CLNK: variants seen among roughly 807,000 people sequenced by gnomAD.
The protein encoded by CLNK is cytokine dependent hematopoietic cell linker.
In CLNK, 74 loss-of-function variants were observed where a neutral mutation model predicts 68.6. The ratio of observed to expected loss-of-function variants is 1.08; its 90% CI spans 0.89 to 1.31. The LOEUF is 1.31. Ranked by LOEUF, CLNK falls within the 50% of genes most tolerant of loss-of-function variation. The pLI, the probability that CLNK is intolerant of heterozygous loss-of-function variation, is 0.00. For missense variants in CLNK, 553 were observed against 515.3 expected, an observed-to-expected ratio of 1.07 and a Z score of -0.71; for synonymous variants, 198 against 172.2, an observed-to-expected ratio of 1.15 and a Z score of -1.17.
At chr4:10,567,186 T>TTAC (rs1233010237) in intron 5 of CLNK, among the ~76,000 whole-genome samples, 1 of 149,494 alleles carries the variant, frequency 6.7e-6, no homozygotes, top group African/African-American at 2.5e-5. Flanking sequence ...ATTTCAAAAG[T>TTAC]TACTACATAG....
At chr4:10,611,592 G>GC (rs1429921611) in intron 2 of CLNK, among the ~76,000 whole-genome samples, 1 of 151,842 alleles carries the variant, frequency 6.6e-6, no homozygotes, top group African/African-American at 2.4e-5. Flanking sequence ...TAGAGAAGGA[G>GC]CCCCCCAGGA....
At chr4:10,546,614 A>C (rs992010561) in intron 8 of CLNK, among the ~76,000 whole-genome samples, 1 of 152,168 alleles carries the variant, frequency 6.6e-6, no homozygotes, top group Non-Finnish European at 1.5e-5. Context: ...TTTCGCCAGA[A>C]TTTAAACATT....
At chr4:10,502,200 T>C in intron 17 of CLNK, among the ~76,000 whole-genome samples, 1 of 152,024 alleles carries the variant, frequency 6.6e-6, no homozygotes, top group East Asian at 1.9e-4. Flanking sequence ...AGGAAAGAGG[T>C]TTAATTGACT....
chr4:10,547,440 T>G (rs1158640922), intron 8 of CLNK, among the ~76,000 whole-genome samples: 1 of 152,240 alleles, frequency 6.6e-6, no homozygotes, highest in East Asian at 1.9e-4. Context: ...CTTACCAAAG[T>G]TGACTCCTGC....
the CLNK span, among the ~76,000 whole-genome samples, chr4:10,695,536 C>G: frequency 2.0e-5 from 3 of 152,218 alleles, no homozygotes; most frequent in Non-Finnish European, 4.4e-5. Context: ...CAGTGGCCCT[C>G]TCTGTGCCTG....
intron 2 of CLNK, among the ~76,000 whole-genome samples, chr4:10,648,206 A>T (rs1425273607): frequency 6.6e-6 from 1 of 152,166 alleles, no homozygotes; most frequent in African/African-American, 2.4e-5. Context: ...AGTGATTAAG[A>T]CCTTTCCCAT....
chr4:10,624,607 T>G (rs1369599753), intron 2 of CLNK, among the ~76,000 whole-genome samples: 4 of 151,192 alleles, frequency 2.6e-5, no homozygotes, highest in Non-Finnish European at 1.5e-5. Context: ...TTTTTTTTTT[T>G]TTTTTTTTTT....
At chr4:10,549,144 A>G (rs1294256145) in intron 8 of CLNK, among the ~76,000 whole-genome samples, 1 of 152,176 alleles carries the variant, frequency 6.6e-6, no homozygotes, top group Non-Finnish European at 1.5e-5. Flanking sequence ...AGTTACAAAA[A>G]TCCACGGGGA....
chr4:10,668,636 T>C (rs1056877723), intron 1 of CLNK, among the ~76,000 whole-genome samples: 2 of 152,126 alleles, frequency 1.3e-5, no homozygotes, highest in African/African-American at 4.8e-5. Context: ...CAGTGAAGTA[T>C]CTGGGAGTGG....
chr4:10,696,658 T>C, the CLNK span, among the ~76,000 whole-genome samples: 1 of 152,204 alleles, frequency 6.6e-6, no homozygotes, highest in Non-Finnish European at 1.5e-5. Context: ...TTGGGCATGA[T>C]ACAAAGCACT....
intron 14 of CLNK, among the ~76,000 whole-genome samples, chr4:10,525,578 C>G (rs908830636): frequency 6.6e-6 from 1 of 152,154 alleles, no homozygotes; most frequent in Non-Finnish European, 1.5e-5. Context: ...CATCTTTTCC[C>G]GTTAATCCTA....
intron 17 of CLNK, 137 bp downstream of exon 17, chr4:10,507,822 C>T (rs1014827006): frequency 7.4e-6 from 5 of 678,668 alleles, no homozygotes; most frequent in Admixed American, 2.8e-5. Flanking sequence ...ACTACAGCCT[C>T]CCAGCACTGA....
chr4:10,611,001 T>C (rs1173356035), intron 2 of CLNK, among the ~76,000 whole-genome samples: 1 of 144,910 alleles, frequency 6.9e-6, no homozygotes, highest in Non-Finnish European at 1.5e-5. Flanking sequence ...CGGGGCAACA[T>C]GGTGAAACCC....
intron 4 of CLNK, among the ~76,000 whole-genome samples, chr4:10,576,116 C>T (rs185437929): frequency 7.9e-5 from 12 of 152,304 alleles, no homozygotes; most frequent in African/African-American, 2.6e-4. Context: ...TGTGGTACAG[C>T]AGGAACATGT....
chr4:10,647,378 A>G (rs1034800564), intron 2 of CLNK, among the ~76,000 whole-genome samples: 35 of 152,150 alleles, frequency 2.3e-4, no homozygotes, highest in Non-Finnish European at 1.5e-5. Flanking sequence ...GAGCTGGTGG[A>G]TTTTGAAGTC....
At chr4:10,607,325 G>A (rs1721828230) in intron 2 of CLNK, among the ~76,000 whole-genome samples, 1 of 152,180 alleles carries the variant, frequency 6.6e-6, no homozygotes, top group Non-Finnish European at 1.5e-5. Context: ...TCATACTGGA[G>A]TTTGAGCTGC....
chr4:10,592,562 T>C (rs960987792), intron 3 of CLNK, among the ~76,000 whole-genome samples: 6 of 151,764 alleles, frequency 4.0e-5, no homozygotes, highest in African/African-American at 1.2e-4. Flanking sequence ...CCAGGCATCA[T>C]AGGAGGCTCT....
chr4:10,658,629 G>T (rs558904868), intron 2 of CLNK, among the ~76,000 whole-genome samples: 1 of 152,138 alleles, frequency 6.6e-6, no homozygotes, highest in Non-Finnish European at 1.5e-5. Context: ...GGGCTTCTCC[G>T]CAAGGCTTGG....
At chr4:10,578,797 G>A (rs1484795308) in intron 4 of CLNK, among the ~76,000 whole-genome samples, 2 of 151,796 alleles carry the variant, frequency 1.3e-5, no homozygotes, top group Non-Finnish European at 2.9e-5. Flanking sequence ...GTCTTGAACT[G>A]CTAACTTCAA....
Sources: allele counts gnomAD v4.1 joint callset (sites outside exome capture counted in the v4.1 genomes callset), GRCh38; gene constraint gnomAD v4.1.1; transcripts MANE v1.5; gene names NCBI Gene and HGNC (gene_info 2026-07-23, HGNC 2026-07-21).